KCNS3: variants seen among roughly 807,000 people sequenced by gnomAD.
KCNS3 encodes the protein delayed-rectifier potassium channel regulatory subunit KCNS3.
In KCNS3, 13 loss-of-function variants were observed where a neutral mutation model predicts 31.0. That is an observed-to-expected ratio of 0.42 (90% CI 0.27 to 0.67). KCNS3 has a LOEUF of 0.67. Ranked by LOEUF, KCNS3 falls within the 30% of genes least tolerant of loss-of-function variation. KCNS3 has a pLI of 0.25. For missense variants in KCNS3, 545 were observed against 622.4 expected (o/e 0.88, Z 1.32); for synonymous variants, 238 against 241.5 (o/e 0.99, Z 0.13).
chr2:17,907,826 TC>T (rs1171199054), intron 1 of KCNS3, among the ~76,000 whole-genome samples: 1 of 152,232 alleles, frequency 6.6e-6, no homozygotes, highest in Non-Finnish European at 1.5e-5. Flanking sequence ...TGCTAAGAGA[TC>T]CGCTGTTAGT....
At chr2:17,921,677 G>T (rs528722150) in intron 2 of KCNS3, among the ~76,000 whole-genome samples, 86 of 151,630 alleles carry the variant, frequency 5.7e-4, no homozygotes, top group Non-Finnish European at 1.0e-3. Context: ...GCAGGAGAGC[G>T]AGAGAGAGTG....
chr2:17,908,764 G>A (rs966681440), intron 1 of KCNS3, among the ~76,000 whole-genome samples: 19 of 152,208 alleles, frequency 1.2e-4, no homozygotes, highest in Admixed American at 6.5e-4. Flanking sequence ...CGTGGAGGCT[G>A]CAGAACAGCG....
chr2:17,884,962 G>T (rs1201573844), intron 1 of KCNS3, among the ~76,000 whole-genome samples: 5 of 137,122 alleles, frequency 3.6e-5, no homozygotes, highest in Admixed American at 7.3e-5. Context: ...CTCACTGCCT[G>T]GTGATTTTAT....
At chr2:17,902,160 G>A (rs1276819648) in intron 1 of KCNS3, among the ~76,000 whole-genome samples, 1 of 152,230 alleles carries the variant, frequency 6.6e-6, no homozygotes, top group African/African-American at 2.4e-5. Flanking sequence ...GCTATGGACA[G>A]ATGCAGATAT....
Position 17,897,316 on chromosome 2 carries a change from T to A in KCNS3, c.-252+18510T>A, listed in dbSNP as rs561252101. Among the ~76,000 whole-genome samples the A allele has an allele frequency of 2.6e-5, 4 of 152,246 alleles. No individual in the cohort carries two copies. The South Asian group carries it at 8.3e-4, about 32-fold the overall frequency. On this transcript the variant is annotated intron_variant, in intron 1 of 2. Coordinates refer to ENST00000304101, the MANE Select transcript of KCNS3 (RefSeq NM_002252.5). Reference sequence around the variant, plus strand: ...ACTGTTGATGGGCAACTAGGTTGATTCCATGTCTTTGCTATTGTGATTAGA... The same window carrying A: ...ACTGTTGATGGGCAACTAGGTTGATACCATGTCTTTGCTATTGTGATTAGA...
At chr2:17,915,792 A>T (rs187462130) in intron 1 of KCNS3, among the ~76,000 whole-genome samples, 113 of 152,326 alleles carry the variant, frequency 7.4e-4, no homozygotes, top group Non-Finnish European at 1.2e-3. Flanking sequence ...ACATAAATTC[A>T]TAACAAGAGA....
At chr2:17,921,911 GTGTGTA>G (rs1326483160) in intron 2 of KCNS3, among the ~76,000 whole-genome samples, 1,222 of 100,136 alleles carry the variant, frequency 0.012, 4 homozygotes, top group Non-Finnish European at 0.015. Flanking sequence ...ATGTGTGTGT[GTGTGTA>G]TATATATATA....
At chr2:17,913,986 A>T (rs1056070098) in intron 1 of KCNS3, among the ~76,000 whole-genome samples, 6 of 152,164 alleles carry the variant, frequency 3.9e-5, no homozygotes, top group African/African-American at 1.2e-4. Flanking sequence ...AGAAGTTTTC[A>T]AGGTTAGGAT....
chr2:17,889,537 C>G (rs1221326737), intron 1 of KCNS3, among the ~76,000 whole-genome samples: 2 of 152,072 alleles, frequency 1.3e-5, no homozygotes, highest in African/African-American at 4.8e-5. Flanking sequence ...CAACTTTTCC[C>G]CATTCAGTAT....
intron 1 of KCNS3, among the ~76,000 whole-genome samples, chr2:17,906,456 C>G (rs1486821774): frequency 1.3e-5 from 2 of 152,060 alleles, no homozygotes; most frequent in Non-Finnish European, 2.9e-5. Flanking sequence ...GTGTCTCTAT[C>G]TCCTTCAGTT....
intron 2 of KCNS3, among the ~76,000 whole-genome samples, chr2:17,928,211 G>A (rs2125254364): frequency 6.6e-6 from 1 of 152,200 alleles, no homozygotes; most frequent in East Asian, 1.9e-4. Flanking sequence ...TAGTGGTATT[G>A]TTCTTTCATT....
chr2:17,892,335 G>A (rs1003334002), intron 1 of KCNS3, among the ~76,000 whole-genome samples: 5 of 150,722 alleles, frequency 3.3e-5, no homozygotes, highest in African/African-American at 1.2e-4. Flanking sequence ...TTCACTTCTT[G>A]TATCATTTGT....
At chr2:17,915,250 C>A (rs1362540912) in intron 1 of KCNS3, among the ~76,000 whole-genome samples, 1 of 152,182 alleles carries the variant, frequency 6.6e-6, no homozygotes, top group Admixed American at 6.5e-5. Context: ...AATCACTCAG[C>A]AAAGTCAGAA....
At chr2:17,923,289 A>G (rs953789889) in intron 2 of KCNS3, among the ~76,000 whole-genome samples, 2 of 152,094 alleles carry the variant, frequency 1.3e-5, no homozygotes, top group Non-Finnish European at 1.5e-5. Flanking sequence ...TATCAAAATT[A>G]TTTGCCCATT....
intron 1 of KCNS3, among the ~76,000 whole-genome samples, chr2:17,894,621 G>A (rs1237796075): frequency 6.6e-6 from 1 of 152,208 alleles, no homozygotes; most frequent in African/African-American, 2.4e-5. Context: ...ATCAGGTAGA[G>A]AAAGCCACGT....
intron 1 of KCNS3, among the ~76,000 whole-genome samples, chr2:17,917,314 C>T (rs3810835): frequency 0.86 from 130,689 of 152,224 alleles, 57,064 homozygotes; most frequent in East Asian, 0.97. Context: ...TAGAAGCTTA[C>T]AAGTATATCT....
At chr2:17,904,652 G>A (rs985182501) in intron 1 of KCNS3, among the ~76,000 whole-genome samples, 7 of 152,078 alleles carry the variant, frequency 4.6e-5, no homozygotes, top group African/African-American at 1.7e-4. Context: ...TGTAAGGAAG[G>A]GATCCAGTTC....
chr2:17,890,473 G>A (rs548347997), intron 1 of KCNS3, among the ~76,000 whole-genome samples: 4 of 151,784 alleles, frequency 2.6e-5, no homozygotes, highest in East Asian at 3.9e-4. Context: ...CGGGGGTTGG[G>A]TTTGGTTTGT....
rs534077074 is a variant in KCNS3 at position 17,932,355 on chromosome 2, C to A, written c.1347C>A (p.His449Gln). ...GGGATATATATGCACAGCGGATGCA[C>A]ACCTTCATTACCAGTCTCTCTTCTG... ...NIRDIYAQRM[H>Q]TFITSLSSVG... Residue 449 changes from histidine (H) to glutamine (Q), a missense_variant, in exon 3 of 3, where the codon CAC becomes CAA. By Grantham distance (24) the His-to-Gln change is conservative. Coordinates refer to ENST00000304101, the MANE Select transcript of KCNS3 (RefSeq NM_002252.5). The A allele has an allele frequency of 2.5e-6, 4 of 1,614,054 alleles. No individual in the cohort carries two copies. The highest frequency in any genetic ancestry group is 3.4e-6 in the Non-Finnish European group (4 of 1,179,978).
Sources: allele counts gnomAD v4.1 joint callset (sites outside exome capture counted in the v4.1 genomes callset), GRCh38; gene constraint gnomAD v4.1.1; transcripts MANE v1.5; gene names NCBI Gene and HGNC (gene_info 2026-07-23, HGNC 2026-07-21).